Variants in DLD observed in about 807,000 individuals in gnomAD.
The protein encoded by DLD is dihydrolipoyl dehydrogenase, mitochondrial.
A neutral mutation model predicts 62.2 loss-of-function variants in DLD; 36 were observed. The observed-to-expected ratio is 0.58, with a 90% CI of 0.44 to 0.76. The LOEUF is 0.76. DLD is among the 30% of genes least tolerant of loss of function. The pLI, the probability that DLD is intolerant of heterozygous loss-of-function variation, is 0.00. For missense variants in DLD, 541 were observed against 608.6 expected, an observed-to-expected ratio of 0.89 and a Z score of 1.17; for synonymous variants, 204 against 199.6, an observed-to-expected ratio of 1.02 and a Z score of -0.19.
intron 8 of DLD, among the ~76,000 whole-genome samples, chr7:107,914,358 A>G (rs756382978): frequency 1.3e-4 from 20 of 152,048 alleles, no homozygotes; most frequent in Non-Finnish European, 2.6e-4. Context: ...AATGTTATCT[A>G]AGACTTTCTA....
At chr7:107,914,874 AAG>A (rs1423406260) in intron 8 of DLD, among the ~76,000 whole-genome samples, 1 of 152,242 alleles carries the variant, frequency 6.6e-6, no homozygotes, top group Non-Finnish European at 1.5e-5. Flanking sequence ...TTGAATGAAA[AAG>A]TAAACATTTG....
chr7:107,903,004 AG>A (rs543452812), intron 4 of DLD, among the ~76,000 whole-genome samples: 90 of 152,182 alleles, frequency 5.9e-4, no homozygotes, highest in Non-Finnish European at 1.2e-3. Context: ...TGGCATACAA[AG>A]TGGTGTTATG....
At chr7:107,902,261 G>T in intron 3 of DLD, 64 bp from the exon 4 acceptor site, 1 of 1,406,376 alleles carries the variant, frequency 7.1e-7, no homozygotes, top group Non-Finnish European at 1.0e-6. Context: ...ACATATATTT[G>T]GAATTTTAGT....
intron 1 of DLD, 200 bp downstream of exon 1, chr7:107,891,489 G>A (rs1248244729): frequency 1.5e-6 from 1 of 652,492 alleles, no homozygotes; most frequent in Non-Finnish European, 2.7e-6. Context: ...CGAGGGACGG[G>A]GCTGGGCCCA....
chr7:107,900,767 C>T lies in DLD; in HGVS notation c.119-971C>T, dbSNP rs1178142052. On this transcript the variant is annotated intron_variant, in intron 2 of 13. Transcript: ENST00000205402. The stretch of plus-strand genomic sequence containing the variant: ...TTATTTATGACATCTTTATCTTCCT[C>T]ATAGGAAATTCTGAGACTCAAACAT... Among the ~76,000 whole-genome samples the T allele has an allele frequency of 2.6e-5, 4 of 152,160 alleles. 1 individual carries two copies. The South Asian group carries it at 8.3e-4, about 32-fold the overall frequency.
chr7:107,914,767 A>G (rs562101883), intron 8 of DLD, among the ~76,000 whole-genome samples: 2 of 152,330 alleles, frequency 1.3e-5, no homozygotes, highest in Non-Finnish European at 2.9e-5. Context: ...AATTATGTTC[A>G]TCTTGCCAGT....
chr7:107,902,194 ATATATTT>A (rs1195992174), intron 3 of DLD, 124 bp from the exon 4 acceptor site: 4 of 758,314 alleles, frequency 5.3e-6, no homozygotes, highest in Non-Finnish European at 9.1e-6. Context: ...ATAAAGGACT[ATATATTT>A]TAGTCTGTGA....
rs1398599668 is a variant in DLD at position 107,919,821 on chromosome 7, A to G, written c.*562A>G. On this transcript the variant is annotated 3_prime_UTR_variant, in exon 14 of 14. Transcript: ENST00000205402. ...AGCATTTGTGTTGAAGAGGTTTTAA[A>G]GCTTCCATTGTTGTCTGCAACTCTG... is the stretch of plus-strand genomic sequence containing the variant. 1 of 153,714 alleles carries G rather than the reference A, an allele frequency of 6.5e-6. No individual in the cohort carries two copies. Among genetic ancestry groups the G allele is most frequent in the African/African-American group, 2.4e-5 (1 of 41,472 alleles). The allele number at this position is 153,714 out of a possible 1,614,324, so 9.5% of individuals were successfully genotyped here.
chr7:107,902,491 A>G (rs1045078960), intron 4 of DLD, 98 bp downstream of exon 4: 2 of 1,051,406 alleles, frequency 1.9e-6, no homozygotes, highest in African/African-American at 3.1e-5. Context: ...CTTGTTAAAA[A>G]ACAATCCAAG....
chr7:107,901,968 A>G, intron 3 of DLD, 151 bp downstream of exon 3: 1 of 705,250 alleles, frequency 1.4e-6, no homozygotes, highest in Non-Finnish European at 2.5e-6. Flanking sequence ...GATTAGGTTC[A>G]TTTGGTTGTA....
Position 107,906,288 on chromosome 7 carries a change from T to C in DLD, c.604T>C (p.Ser202Pro). Residue 202 changes from serine (S) to proline (P), a missense_variant, in exon 8 of 14, where the codon TCA becomes CCA. Physicochemically the swap from Ser to Pro is moderately conservative, Grantham distance 74. Coordinates refer to ENST00000205402, the MANE Select transcript of DLD (RefSeq NM_000108.5). Reference sequence around the variant, plus strand: ...ACAGATAGATGAAGATACAATAGTGTCATCTACAGGTGCTTTATCTTTAAA... The same window carrying C: ...ACAGATAGATGAAGATACAATAGTGCCATCTACAGGTGCTTTATCTTTAAA... ...GITIDEDTIV[S>P]STGALSLKKV... is the part of the protein sequence containing the mutation. 2 of 1,596,058 alleles carry C rather than the reference T, an allele frequency of 1.3e-6. No individual in the cohort carries two copies. The highest frequency in any genetic ancestry group is 1.3e-5 in the African/African-American group (1 of 74,696).
At position 107,912,269 on chromosome 7, in the gene DLD, T is replaced by C. The variant is rs144751893; in HGVS notation, c.685-3237T>C. ...AGTTAATTCTGTGTCTTGGCTATTG[T>C]GAATAGTGCTGCAGTAAACATAAAG... On this transcript the variant is annotated intron_variant, in intron 8 of 13. Coordinates refer to ENST00000205402, the MANE Select transcript of DLD (RefSeq NM_000108.5). 6.8e-4 allele frequency among the ~76,000 whole-genome samples: 103 copies of C among 152,278 alleles called. 1 individual carries two copies. In the Middle Eastern group the frequency reaches 0.02, roughly 30 times the overall value.
Position 107,905,055 on chromosome 7 carries a change from T to A in DLD, c.435T>A (p.Asn145Lys), listed in dbSNP as rs1289610601. The A allele has an allele frequency of 1.9e-6, 3 of 1,598,972 alleles. No homozygotes were observed. Among genetic ancestry groups the A allele is most frequent in the Non-Finnish European group, 2.6e-6 (3 of 1,167,056 alleles). ...TGGIAHLFKQ[N>K]KVVHVNGYGK... ...GAATTGCCCACTTATTCAAACAGAA[T>A]AAGGTCAGTGTTTAATATTCAGATT... The change falls in exon 6 of 14, where the codon AAT becomes AAA. Residue 145 changes from asparagine to lysine, a missense_variant. Physicochemically the swap from Asn to Lys is moderately conservative, Grantham distance 94. Transcript: ENST00000205402.
In DLD at chr7:107,893,234, A is replaced by C. The variant is rs61749951; in HGVS notation, c.74A>C (p.Gln25Pro). 144 of 1,613,722 alleles carry C rather than the reference A, an allele frequency of 8.9e-5. 2 individuals are homozygous for C. In the Middle Eastern group the frequency reaches 1.5e-3, roughly 17 times the overall value. Reference sequence around the variant, plus strand: ...TTCAATCGAATATCTCATGGCCTACAGGGACTTTCTGCAGTGCCTCTGAGA... The same window carrying C: ...TTCAATCGAATATCTCATGGCCTACCGGGACTTTCTGCAGTGCCTCTGAGA... ...GHFNRISHGL[Q>P]GLSAVPLRTY... Residue 25 changes from glutamine to proline, a missense_variant, in exon 2 of 14, where the codon CAG (glutamine) becomes CCG (proline). Coordinates refer to ENST00000205402, the MANE Select transcript of DLD (RefSeq NM_000108.5).
chr7:107,891,194 G>GGCGGAGGCGCCCA lies in DLD; in HGVS notation c.-49_-37dup. 1 of 1,608,448 alleles carries GGCGGAGGCGCCCA rather than the reference G, an allele frequency of 6.2e-7. No individual in the cohort carries two copies. Among genetic ancestry groups the GGCGGAGGCGCCCA allele is most frequent in the Non-Finnish European group, 8.5e-7 (1 of 1,175,306 alleles). On this transcript the variant is annotated 5_prime_UTR_variant, in exon 1 of 14. Coordinates refer to ENST00000205402, the MANE Select transcript of DLD (RefSeq NM_000108.5). ...CAGGGAGGGGAGACCTTGGCGGAGC[G>GGCGGAGGCGCCCA]GCGGAGGCGCCCAGCGGAGGTGAAA...
intron 4 of DLD, 68 bp downstream of exon 4, chr7:107,902,461 G>A (rs2031900985): frequency 7.9e-7 from 1 of 1,270,948 alleles, no homozygotes; most frequent in Admixed American, 1.7e-5. Context: ...GATGGATTGA[G>A]ACTAGATTAG....
intron 2 of DLD, among the ~76,000 whole-genome samples, chr7:107,897,334 A>G (rs118178273): frequency 0.011 from 1,751 of 152,308 alleles, 66 homozygotes; most frequent in Admixed American, 0.075. Flanking sequence ...ACATAATGGT[A>G]TATAGGAGCA....
At chr7:107,915,781 T>G (rs147239863) in intron 9 of DLD, 85 bp downstream of exon 9, 1 of 1,254,274 alleles carries the variant, frequency 8.0e-7, no homozygotes, top group African/African-American at 1.5e-5. Context: ...TTAGCAAATA[T>G]AGGGTTTTTT....
At chr7:107,912,055 T>C (rs996305538) in intron 8 of DLD, among the ~76,000 whole-genome samples, 1 of 152,098 alleles carries the variant, frequency 6.6e-6, no homozygotes, top group African/African-American at 2.4e-5. Flanking sequence ...TGTTTTTTTT[T>C]TTAGCTCCCA....
Sources: allele counts gnomAD v4.1 joint callset (sites outside exome capture counted in the v4.1 genomes callset), GRCh38; gene constraint gnomAD v4.1.1; transcripts MANE v1.5; gene names NCBI Gene and HGNC (gene_info 2026-07-23, HGNC 2026-07-21).